TDRD3: variants seen among roughly 807,000 people sequenced by gnomAD.
TDRD3 encodes tudor domain-containing protein 3.
A neutral mutation model predicts 86.7 loss-of-function variants in TDRD3; 45 were observed. The observed-to-expected ratio is 0.52, with a 90% CI of 0.41 to 0.67. The LOEUF (loss-of-function observed/expected upper bound fraction) is 0.67, where lower values mean the gene tolerates loss of function less well. Ranked by LOEUF, TDRD3 falls within the 30% of genes least tolerant of loss-of-function variation. TDRD3 has a pLI of 0.00. For synonymous variants in TDRD3, 298 were observed against 301.7 expected, an observed-to-expected ratio of 0.99 and a Z score of 0.13; for missense variants, 814 against 889.0, an observed-to-expected ratio of 0.92 and a Z score of 1.07.
At chr13:60,497,418 A>G (rs1027273849) in intron 8 of TDRD3, among the ~76,000 whole-genome samples, 1 of 152,136 alleles carries the variant, frequency 6.6e-6, no homozygotes, top group Admixed American at 6.5e-5. Flanking sequence ...TTAGCATTTT[A>G]GTGAGCTCTC....
intron 8 of TDRD3, among the ~76,000 whole-genome samples, chr13:60,501,421 C>A (rs920374030): frequency 2.0e-5 from 3 of 152,186 alleles, no homozygotes; most frequent in African/African-American, 7.2e-5. Context: ...TTGCCTCCAC[C>A]AGATGTTGCT....
rs1957124636 is a variant in TDRD3 at position 60,514,368 on chromosome 13, G to A, written c.1141+3613G>A. Among the ~76,000 whole-genome samples, 3 of 152,164 alleles carry A rather than the reference G, an allele frequency of 2.0e-5. No homozygotes were observed. In the South Asian group the frequency reaches 6.2e-4, roughly 32 times the overall value. On this transcript the variant is annotated intron_variant, in intron 10 of 13. Coordinates refer to ENST00000377881, the MANE Select transcript of TDRD3 (RefSeq NM_001146070.2). ...TAAAAGTTTGGAAAATTTATGTTTG[G>A]GTTCTCAGGGACACCTGCTCCTTGG...
Position 60,439,767 on chromosome 13 carries a change from C to T in TDRD3, c.121C>T (p.Leu41Phe), listed in dbSNP as rs1190189836. The change falls in exon 2 of 14, where the codon CTC becomes TTC. Residue 41 changes from leucine to phenylalanine, a missense_variant. Physicochemically the swap from Leu to Phe is conservative, Grantham distance 22. Transcript: ENST00000377881. ...VNVNDIILIA[L>F]NTDLRTIGKK... ...TGTAAATGACATCATCCTGATTGCT[C>T]TCAATGTAGGTTATATTTATTAACT... is the stretch of plus-strand genomic sequence containing the variant. 1.3e-6 allele frequency: 2 copies of T among 1,532,780 alleles called. No individual in the cohort carries two copies. Among genetic ancestry groups the T allele is most frequent in the Admixed American group, 2.1e-5 (1 of 47,688 alleles). The allele number at this position is 1,532,780 out of a possible 1,614,324, so 94.9% of individuals were successfully genotyped here.
At chr13:60,524,948 G>A (rs552053070) in intron 10 of TDRD3, among the ~76,000 whole-genome samples, 3 of 151,014 alleles carry the variant, frequency 2.0e-5, no homozygotes, top group Admixed American at 6.6e-5. Context: ...TTAGCCAGAC[G>A]TGGTGGCAGG....
chr13:60,485,057 AGATAGGTAATGCT>A (rs1455092033), intron 6 of TDRD3, among the ~76,000 whole-genome samples: 1 of 152,132 alleles, frequency 6.6e-6, no homozygotes, highest in Non-Finnish European at 1.5e-5. Context: ...CATGGGCTGA[AGATAGGTAATGCT>A]GACTGTGTAT....
At chr13:60,439,527 A>G (rs1362440268) in intron 1 of TDRD3, among the ~76,000 whole-genome samples, 161 bp from the exon 2 acceptor site, 1 of 152,176 alleles carries the variant, frequency 6.6e-6, no homozygotes, top group Non-Finnish European at 1.5e-5. Context: ...CATCTCTTCT[A>G]TAAGACATAG....
In TDRD3 at chr13:60,467,364, A is replaced by G. The variant is rs1388095853; in HGVS notation, c.480A>G (p.Lys160=). Residue 160 remains lysine, a synonymous_variant, in exon 5 of 14, where the codon AAA becomes AAG. Coordinates refer to ENST00000377881, the MANE Select transcript of TDRD3 (RefSeq NM_001146070.2). ...LGGEVEHLIE[K]WELQRSLSKH... ...GTGAAGTGGAACACCTTATTGAGAA[A>G]TGGGAGTTACAGAGAGTAAGTGTAA... The G allele has an allele frequency of 6.2e-7, 1 of 1,613,738 alleles. No individual in the cohort carries two copies. The highest frequency in any genetic ancestry group is 1.1e-5 in the South Asian group (1 of 91,038).
At chr13:60,508,777 A>G (rs1956992103) in intron 8 of TDRD3, among the ~76,000 whole-genome samples, 1 of 152,216 alleles carries the variant, frequency 6.6e-6, no homozygotes, top group South Asian at 2.1e-4. Flanking sequence ...ACCTTCATCA[A>G]GTTAACAGTG....
chr13:60,528,794 A>G lies in TDRD3; in HGVS notation c.1569A>G (p.Gln523=). 1 of 1,613,898 alleles carries G rather than the reference A, an allele frequency of 6.2e-7. No homozygotes were observed. Among genetic ancestry groups the G allele is most frequent in the South Asian group, 1.1e-5 (1 of 90,972 alleles). ...AGGCAAAAGAAAATCCACTTCCTCA[A>G]GGATCTGTAGATTATAATAATCAAA... ...FAEAKENPLP[Q]GSVDYNNQKR... is the part of the protein sequence containing the mutation. The change falls in exon 11 of 14, where the codon CAA becomes CAG. Residue 523 remains glutamine, a synonymous_variant. Coordinates refer to ENST00000377881, the MANE Select transcript of TDRD3 (RefSeq NM_001146070.2).
chr13:60,444,389 ATAAAT>A (rs1235406636), intron 2 of TDRD3, among the ~76,000 whole-genome samples: 2 of 151,998 alleles, frequency 1.3e-5, no homozygotes, highest in East Asian at 3.8e-4. Context: ...CACAATTTAC[ATAAAT>A]TAAGTTTTGG....
chr13:60,563,471 T>C (rs1221953409), intron 12 of TDRD3, among the ~76,000 whole-genome samples: 1 of 152,142 alleles, frequency 6.6e-6, no homozygotes, highest in Non-Finnish European at 1.5e-5. Context: ...GAGTAGGAAG[T>C]GTCATTTGCC....
At chr13:60,537,030 A>T (rs1014584206) in intron 12 of TDRD3, 1 of 152,084 alleles carries the variant, frequency 6.6e-6, no homozygotes, top group Admixed American at 6.6e-5. Context: ...TATTCTTCCT[A>T]CTTATTTGTG....
At chr13:60,495,710 C>A (rs1956698722) in intron 8 of TDRD3, among the ~76,000 whole-genome samples, 4 of 152,112 alleles carry the variant, frequency 2.6e-5, no homozygotes, top group African/African-American at 9.7e-5. Flanking sequence ...GATGATCCAC[C>A]CGCTTCTTCG....
intron 12 of TDRD3, among the ~76,000 whole-genome samples, chr13:60,544,287 A>C (rs1957884820): frequency 6.6e-6 from 1 of 151,858 alleles, no homozygotes; most frequent in Non-Finnish European, 1.5e-5. Flanking sequence ...ATAAAATAAA[A>C]TAAAAAATTA....
intron 1 of TDRD3, among the ~76,000 whole-genome samples, chr13:60,439,394 C>G (rs772490405): frequency 1.1e-4 from 16 of 152,092 alleles, no homozygotes; most frequent in Non-Finnish European, 4.4e-5. Flanking sequence ...TGTATAATAG[C>G]AAAGAGCAGC....
At chr13:60,412,084 A>C (rs1044485424) in intron 1 of TDRD3, among the ~76,000 whole-genome samples, 2 of 152,108 alleles carry the variant, frequency 1.3e-5, no homozygotes, top group African/African-American at 4.8e-5. Flanking sequence ...TAGCTCAGTG[A>C]CTCTCAAACA....
chr13:60,512,452 TAACTC>T (rs1342672711), intron 10 of TDRD3, among the ~76,000 whole-genome samples: 7 of 152,148 alleles, frequency 4.6e-5, no homozygotes, highest in Non-Finnish European at 1.0e-4. Context: ...GCCAAAGTCT[TAACTC>T]ATTTCAGCAT....
Position 60,400,137 on chromosome 13 carries a change from TG to T in TDRD3, c.41+2734del, listed in dbSNP as rs562376171. Among the ~76,000 whole-genome samples the T allele has an allele frequency of 5.7e-4, 87 of 152,358 alleles. 3 individuals carry two copies. The East Asian group carries it at 0.014, about 25-fold the overall frequency. On this transcript the variant is annotated intron_variant, in intron 1 of 13. Transcript: ENST00000377881. ...GATAATGTTTAAATAATGCACTAAA[TG>T]GTACCTTGTAAAGCTTAATTATATG...
At chr13:60,396,293 T>C (rs1953902102), upstream of TDRD3, among the ~76,000 whole-genome samples, 1 of 151,944 alleles carries the variant, frequency 6.6e-6, no homozygotes, top group South Asian at 2.1e-4. Flanking sequence ...GCCGCAGAGG[T>C]GAAAGACCAA....
Sources: allele counts gnomAD v4.1 joint callset (sites outside exome capture counted in the v4.1 genomes callset), GRCh38; gene constraint gnomAD v4.1.1; transcripts MANE v1.5; gene names NCBI Gene and HGNC (gene_info 2026-07-23, HGNC 2026-07-21).